The following FAM83G variants were observed in gnomAD, a reference collection of about 807,000 sequenced individuals.
FAM83G encodes protein FAM83G.
A neutral mutation model predicts 61.5 loss-of-function variants in FAM83G; 38 were observed. That is an observed-to-expected ratio of 0.62 (90% CI 0.48 to 0.81). The LOEUF is 0.81. FAM83G is among the 30% of genes least tolerant of loss of function. The probability of loss-of-function intolerance (pLI) is 0.00; values close to 1 mark genes in which losing one functional copy is unlikely to be tolerated. For synonymous variants in FAM83G, 470 were observed against 476.1 expected, an observed-to-expected ratio of 0.99 and a Z score of 0.17; for missense variants, 989 against 1,133.6, an observed-to-expected ratio of 0.87 and a Z score of 1.83.
At chr17:18,999,399 G>A (rs1272437586) in intron 2 of FAM83G, among the ~76,000 whole-genome samples, 1 of 152,210 alleles carries the variant, frequency 6.6e-6, no homozygotes. Context: ...TGCTTCTCCA[G>A]GGAATGGGAG....
rs1417412237 is a variant in FAM83G at position 19,000,605 on chromosome 17, T to C, written c.522+2915A>G. On this transcript the variant is annotated intron_variant, in intron 2 of 5. Coordinates refer to ENST00000388995, the MANE Select transcript of FAM83G (RefSeq NM_001039999.3). The surrounding 1 kb of genome is among the most constrained non-coding windows in gnomAD (Gnocchi z 5.2). ...TTGTGCTGACGACAGGTAAGGTGAG[T>C]GAGGAGGCGGAAGGCTGGGCTGTCC... Among the ~76,000 whole-genome samples, 7 of 151,730 alleles carry C rather than the reference T, an allele frequency of 4.6e-5. No homozygotes were observed. The highest frequency in any genetic ancestry group is 1.7e-4 in the African/African-American group (7 of 41,234).
rs895169366 is a variant in FAM83G, at chr17:19,004,188, G to A, written c.-128-19C>T. Reference sequence around the variant, plus strand: ...GAGCAATCTGCGGGAAAGACCTGATGAGCCCGGCTCGGCGGGGAGGGCGGG... The same window carrying A: ...GAGCAATCTGCGGGAAAGACCTGATAAGCCCGGCTCGGCGGGGAGGGCGGG... On this transcript the variant is annotated intron_variant, in intron 1 of 5. Coordinates refer to ENST00000388995, the MANE Select transcript of FAM83G (RefSeq NM_001039999.3). This position sits in a 1 kb window ranked among gnomAD's most constrained non-coding sequence, Gnocchi z 5.4. 7.4e-6 allele frequency: 5 copies of A among 675,790 alleles called. No individual in the cohort carries two copies. Among genetic ancestry groups the A allele is most frequent in the Non-Finnish European group, 1.1e-5 (5 of 445,126 alleles). The allele number at this position is 675,790 out of a possible 1,614,324, so 41.9% of individuals were successfully genotyped here. A position where few individuals can be genotyped will look rare whatever the true frequency, so the allele number is the denominator to read the frequency against.
At chr17:18,993,110 T>G (rs1444653270) in intron 2 of FAM83G, among the ~76,000 whole-genome samples, 5 of 152,188 alleles carry the variant, frequency 3.3e-5, no homozygotes, top group Non-Finnish European at 7.4e-5. Flanking sequence ...AAACCACGGG[T>G]GCACAGGCCC....
At position 18,992,769 on chromosome 17, in the gene FAM83G, C is replaced by T. The variant is rs960578827; in HGVS notation, c.523-4355G>A. On this transcript the variant is annotated intron_variant, in intron 2 of 5. Coordinates refer to ENST00000388995, the MANE Select transcript of FAM83G (RefSeq NM_001039999.3). ...GGCCCTTCGTCTCTGATGTCCCTGCCGAGGGACCCCAACTCCTGTTCCCTG... is the reference window on the plus strand; with the variant it reads ...GGCCCTTCGTCTCTGATGTCCCTGCTGAGGGACCCCAACTCCTGTTCCCTG... Among the ~76,000 whole-genome samples the T allele has an allele frequency of 3.9e-5, 6 of 152,154 alleles. No individual in the cohort carries two copies. In the East Asian group the frequency reaches 5.8e-4, roughly 15 times the overall value.
At chr17:18,987,112 C>T (rs1255151928) in intron 3 of FAM83G, among the ~76,000 whole-genome samples, 1 of 152,238 alleles carries the variant, frequency 6.6e-6, no homozygotes, top group Non-Finnish European at 1.5e-5. Context: ...TGACAAATTA[C>T]AGGCGTGGAG....
rs759299476 is a variant in FAM83G, at chr17:18,969,313, C to T, written c.*2046G>A. 2.5e-5 allele frequency: 41 copies of T among 1,609,900 alleles called. No homozygotes were observed. The highest frequency in any genetic ancestry group is 4.0e-5 in the African/African-American group (3 of 74,910). On this transcript the variant is annotated 3_prime_UTR_variant, in exon 6 of 6. Coordinates refer to ENST00000388995, the MANE Select transcript of FAM83G (RefSeq NM_001039999.3). ...GTCCCTCCTCCCTGGGGCCAGGGCC[C>T]CCTCCAGCAACCTTGCTTCCACTGG...
At chr17:18,985,160 G>A (rs946128090) in intron 3 of FAM83G, among the ~76,000 whole-genome samples, 16 of 152,248 alleles carry the variant, frequency 1.1e-4, no homozygotes, top group Non-Finnish European at 1.8e-4. Context: ...GCGGGGCTGT[G>A]CCTGTCCCTA....
rs974371306 is a variant in FAM83G, at chr17:18,996,947, G to A, written c.522+6573C>T. ...ATGCCTTCCCTGGGTGGCCCATGGCGGGTCACTTCCCACTCTAAGCCTCAG... is the reference window on the plus strand; with the variant it reads ...ATGCCTTCCCTGGGTGGCCCATGGCAGGTCACTTCCCACTCTAAGCCTCAG... On this transcript the variant is annotated intron_variant, in intron 2 of 5. Transcript: ENST00000388995. The surrounding 1 kb of genome is among the most constrained non-coding windows in gnomAD (Gnocchi z 4.4). 3.9e-5 allele frequency among the ~76,000 whole-genome samples: 6 copies of A among 152,342 alleles called. No individual in the cohort carries two copies. Among genetic ancestry groups the A allele is most frequent in the South Asian group, 2.1e-4 (1 of 4,828 alleles).
chr17:18,992,870 G>A (rs2043463685), intron 2 of FAM83G, among the ~76,000 whole-genome samples: 1 of 152,154 alleles, frequency 6.6e-6, no homozygotes, highest in South Asian at 2.1e-4. Flanking sequence ...GGAAGTGCTG[G>A]TGGCCGCCCT....
In FAM83G at chr17:19,004,173, C is replaced by T. The variant is rs928550986; in HGVS notation, c.-128-4G>A. ...TGCTTCTCTGCCCATGAGCAATCTG[C>T]GGGAAAGACCTGATGAGCCCGGCTC... On this transcript the variant is annotated splice_region_variant and splice_polypyrimidine_tract_variant and intron_variant, in intron 1 of 5. Coordinates refer to ENST00000388995, the MANE Select transcript of FAM83G (RefSeq NM_001039999.3). The surrounding 1 kb of genome is among the most constrained non-coding windows in gnomAD (Gnocchi z 5.4). 51 of 610,908 alleles carry T rather than the reference C, an allele frequency of 8.3e-5. No individual in the cohort carries two copies. Among genetic ancestry groups the T allele is most frequent in the Non-Finnish European group, 1.0e-4 (44 of 426,678 alleles). The allele number at this position is 610,908 out of a possible 1,614,324, so 37.8% of individuals were successfully genotyped here. A position where few individuals can be genotyped will look rare whatever the true frequency, so the allele number is the denominator to read the frequency against.
Position 18,978,090 on chromosome 17 carries a change from C to T in FAM83G, c.1576G>A (p.Val526Ile), listed in dbSNP as rs200309310. 2.9e-3 allele frequency: 4,405 copies of T among 1,516,522 alleles called. 11 individuals are homozygous for T. The highest frequency in any genetic ancestry group is 3.7e-3 in the Non-Finnish European group (4,157 of 1,135,948). The allele number at this position is 1,516,522 out of a possible 1,614,324, so 93.9% of individuals were successfully genotyped here. Residue 526 changes from valine (V) to isoleucine (I), a missense_variant, in exon 5 of 6, where the codon GTC becomes ATC. Around this residue, in one of 3 missense-constraint regions of FAM83G, gnomAD observed 574 missense variants for 645.1 expected, o/e 0.89. Coordinates refer to ENST00000388995, the MANE Select transcript of FAM83G (RefSeq NM_001039999.3). ...LARDSSDIGW[V>I]LELPKEEAPQ... The stretch of plus-strand genomic sequence containing the variant: ...GCTTCCTCTTTGGGGAGCTCCAGGA[C>T]CCAGCCAATATCACTGCTGTCCCGG...
chr17:18,990,153 T>G (rs2043377488), intron 2 of FAM83G, among the ~76,000 whole-genome samples: 1 of 152,170 alleles, frequency 6.6e-6, no homozygotes, highest in Non-Finnish European at 1.5e-5. Context: ...GGGAAGCACT[T>G]GCTGCCCCCA....
chr17:18,991,173 A>G (rs1248711319), intron 2 of FAM83G, among the ~76,000 whole-genome samples: 1 of 152,188 alleles, frequency 6.6e-6, no homozygotes, highest in Non-Finnish European at 1.5e-5. Context: ...CACTTGTGAC[A>G]CCATGAGCTC....
intron 2 of FAM83G, among the ~76,000 whole-genome samples, chr17:18,997,233 C>G (rs977137802): frequency 6.6e-6 from 1 of 152,262 alleles, no homozygotes; most frequent in East Asian, 1.9e-4. Flanking sequence ...AGGCACTACC[C>G]TGAGTCTCCT....
At chr17:18,997,693 C>G (rs539451891) in intron 2 of FAM83G, among the ~76,000 whole-genome samples, 1 of 152,322 alleles carries the variant, frequency 6.6e-6, no homozygotes, top group African/African-American at 2.4e-5. Context: ...CACATGCTCT[C>G]TGCTGCGTTC....
chr17:18,999,593 G>A (rs751944234), intron 2 of FAM83G, among the ~76,000 whole-genome samples: 1 of 152,204 alleles, frequency 6.6e-6, no homozygotes, highest in Non-Finnish European at 1.5e-5. Flanking sequence ...TAAAGTGCCC[G>A]CTCAGCACCT....
At position 18,978,708 on chromosome 17, in the gene FAM83G, C is replaced by G; in HGVS notation, c.958G>C (p.Glu320Gln). The stretch of plus-strand genomic sequence containing the variant: ...AGCACAATAGGCTCCGGCTCCGGTT[C>G]CTTCTCCATAGGGATGCCCTTGAGG... ...VSLKGIPMEK[E>Q]PEPEPIVLPS... The change falls in exon 5 of 6, where the codon GAA (glutamate) becomes CAA (glutamine). Residue 320 changes from glutamate (E) to glutamine (Q), a missense_variant. Glu to Gln is a conservative substitution (Grantham distance 29, BLOSUM62 2). Coordinates refer to ENST00000388995, the MANE Select transcript of FAM83G (RefSeq NM_001039999.3). The G allele has an allele frequency of 6.2e-7, 1 of 1,612,982 alleles. No individual in the cohort carries two copies. Among genetic ancestry groups the G allele is most frequent in the Non-Finnish European group, 8.5e-7 (1 of 1,180,008 alleles).
intron 5 of FAM83G, among the ~76,000 whole-genome samples, chr17:18,975,494 A>G (rs909818314): frequency 1.3e-5 from 2 of 151,986 alleles, no homozygotes; most frequent in Non-Finnish European, 2.9e-5. Context: ...GTTCAAGACC[A>G]GCCTGACCAA....
chr17:18,972,735 G>A (rs904692701), intron 5 of FAM83G, among the ~76,000 whole-genome samples: 4 of 152,128 alleles, frequency 2.6e-5, no homozygotes, highest in East Asian at 3.9e-4. Context: ...GGTGGCAGGC[G>A]CCTGTAGTCC....
Sources: allele counts gnomAD v4.1 joint callset (sites outside exome capture counted in the v4.1 genomes callset), GRCh38; gene constraint gnomAD v4.1.1; regional missense constraint gnomAD v4.1.1; non-coding constraint Gnocchi (gnomAD v3.1); transcripts MANE v1.5; gene names NCBI Gene and HGNC (gene_info 2026-07-23, HGNC 2026-07-21).